Variants in ARHGAP8 observed in about 807,000 individuals in gnomAD.
The protein encoded by ARHGAP8 is Rho GTPase activating protein 8.
Under a neutral mutation model 46.1 loss-of-function variants are expected in ARHGAP8, and 62 were observed. That is an observed-to-expected ratio of 1.34 (90% confidence interval 1.10 to 1.66). ARHGAP8 has a LOEUF of 1.66. Among genes scored for constraint, ARHGAP8 ranks in the 40% most tolerant of loss-of-function variants. ARHGAP8 has a pLI of 0.00. For synonymous variants in ARHGAP8, 375 were observed against 243.1 expected, an observed-to-expected ratio of 1.54 and a Z score of -5.05; for missense variants, 923 against 568.4, an observed-to-expected ratio of 1.62 and a Z score of -6.34.
intron 2 of ARHGAP8, among the ~76,000 whole-genome samples, chr22:44,789,044 A>G (rs950549185): frequency 6.6e-6 from 1 of 152,190 alleles, no homozygotes; most frequent in African/African-American, 2.4e-5. Context: ...TCAGTTACTA[A>G]TGGAAGAGTG....
chr22:44,846,097 C>G (rs2069948810), intron 8 of ARHGAP8, among the ~76,000 whole-genome samples: 1 of 152,178 alleles, frequency 6.6e-6, no homozygotes, highest in African/African-American at 2.4e-5. Flanking sequence ...TCAGGGAATC[C>G]CCCTAACATG....
chr22:44,829,118 CAAAAA>C (rs57906111), intron 7 of ARHGAP8, among the ~76,000 whole-genome samples: 17 of 49,374 alleles, frequency 3.4e-4, no homozygotes, highest in African/African-American at 5.5e-4. Flanking sequence ...ACTAAAAATA[CAAAAA>C]AAAAAAAAAA....
intron 7 of ARHGAP8, among the ~76,000 whole-genome samples, chr22:44,840,446 C>T (rs1931576381): frequency 1.3e-5 from 2 of 152,170 alleles, no homozygotes; most frequent in African/African-American, 2.4e-5. Context: ...TCCCCTCTCC[C>T]TTCTGCTCAC....
chr22:44,848,723 C>T (rs996809599), intron 9 of ARHGAP8, among the ~76,000 whole-genome samples: 3 of 152,090 alleles, frequency 2.0e-5, no homozygotes, highest in East Asian at 1.9e-4. Flanking sequence ...ACTGGGAGCC[C>T]GGGAGGAGGC....
intron 9 of ARHGAP8, 23 bp downstream of exon 9, chr22:44,848,073 A>G: frequency 6.2e-7 from 1 of 1,603,140 alleles, no homozygotes. Context: ...CGCAGTCCTG[A>G]GCCCCGAGCT....
At chr22:44,857,545 T>C (rs1259879122) in intron 10 of ARHGAP8, among the ~76,000 whole-genome samples, 1 of 152,170 alleles carries the variant, frequency 6.6e-6, no homozygotes, top group Non-Finnish European at 1.5e-5. Flanking sequence ...AGTGTGCTGA[T>C]GCCAGGTTGG....
chr22:44,785,093 T>C (rs1927119617), intron 1 of ARHGAP8, among the ~76,000 whole-genome samples: 1 of 152,174 alleles, frequency 6.6e-6, no homozygotes, highest in Admixed American at 6.5e-5. Context: ...GAGGCAGCCC[T>C]CAGGCCCCGC....
chr22:44,798,527 GC>G (rs1928257224), intron 2 of ARHGAP8, among the ~76,000 whole-genome samples: 1 of 83,498 alleles, frequency 1.2e-5, no homozygotes, highest in Non-Finnish European at 2.3e-5. Context: ...AGGGGGACTT[GC>G]GTTTTTTTTT....
intron 2 of ARHGAP8, among the ~76,000 whole-genome samples, chr22:44,791,224 G>A (rs998630902): frequency 2.0e-5 from 3 of 152,080 alleles, no homozygotes; most frequent in African/African-American, 4.8e-5. Context: ...TGGTCCTTCC[G>A]TGTCATTAGG....
chr22:44,755,533 A>G (rs1924598044), intron 1 of ARHGAP8, among the ~76,000 whole-genome samples: 1 of 152,154 alleles, frequency 6.6e-6, no homozygotes, highest in Non-Finnish European at 1.5e-5. Context: ...TTGAGGGGAG[A>G]GCCTCTGGGC....
chr22:44,779,445 G>A (rs1258117773), intron 1 of ARHGAP8, among the ~76,000 whole-genome samples: 1 of 152,044 alleles, frequency 6.6e-6, no homozygotes. Context: ...CACTCACGTC[G>A]GTACGCGTGG....
At chr22:44,808,473 G>T in intron 4 of ARHGAP8, 35 bp downstream of exon 4, 1 of 1,610,200 alleles carries the variant, frequency 6.2e-7, no homozygotes. Context: ...ACGTGGGTGT[G>T]GGCTGCTTGT....
At chr22:44,790,933 G>C (rs371247188) in intron 2 of ARHGAP8, among the ~76,000 whole-genome samples, 1 of 151,818 alleles carries the variant, frequency 6.6e-6, no homozygotes, top group Non-Finnish European at 1.5e-5. Context: ...GGGTTTCACC[G>C]TGTTGCCCAG....
At chr22:44,789,249 C>G (rs1927489383) in intron 2 of ARHGAP8, among the ~76,000 whole-genome samples, 1 of 151,974 alleles carries the variant, frequency 6.6e-6, no homozygotes, top group Admixed American at 6.6e-5. Context: ...TCCCTGGTTT[C>G]AAGTGATTCT....
At chr22:44,842,190 C>G (rs1035424672) in intron 7 of ARHGAP8, among the ~76,000 whole-genome samples, 8 of 152,154 alleles carry the variant, frequency 5.3e-5, no homozygotes, top group Admixed American at 2.6e-4. Flanking sequence ...AACCCCGTCT[C>G]TACTAAAAAT....
At chr22:44,861,810 TGGACAA>T (rs1180232815) in intron 11 of ARHGAP8, among the ~76,000 whole-genome samples, 1 of 152,112 alleles carries the variant, frequency 6.6e-6, no homozygotes, top group Non-Finnish European at 1.5e-5. Context: ...TTGGCGGAGA[TGGACAA>T]GGAGCCCCTT....
chr22:44,827,434 C>A (rs571236746), intron 7 of ARHGAP8, among the ~76,000 whole-genome samples: 1 of 149,534 alleles, frequency 6.7e-6, no homozygotes, highest in South Asian at 2.1e-4. Context: ...CCTCCGCTCC[C>A]CAGGTTCAAG....
Position 44,859,698 on chromosome 22 carries a change from T to C in ARHGAP8, c.878-33T>C, listed in dbSNP as rs370881455. 31 of 1,609,282 alleles carry C rather than the reference T, an allele frequency of 1.9e-5. No homozygotes were observed. The Middle Eastern group carries it at 4.9e-4, about 26-fold the overall frequency. On this transcript the variant is annotated intron_variant, in intron 10 of 11. Coordinates refer to ENST00000356099, the MANE Select transcript of ARHGAP8 (RefSeq NM_181335.3). Reference sequence around the variant, plus strand: ...GATGCAGCGCTGCCCCTGGCCCCTCTGGAGCTCAGCAGGGAGCCCCATGCC... The same window carrying C: ...GATGCAGCGCTGCCCCTGGCCCCTCCGGAGCTCAGCAGGGAGCCCCATGCC...
At chr22:44,768,092 C>G (rs1340100288) in intron 1 of ARHGAP8, among the ~76,000 whole-genome samples, 1 of 143,884 alleles carries the variant, frequency 7.0e-6, no homozygotes, top group African/African-American at 2.6e-5. Context: ...CTCCACCTCC[C>G]GAGTTCAAGC....
Sources: gnomAD v4.1 joint callset for allele counts (sites outside exome capture counted in the v4.1 genomes callset) on GRCh38, gnomAD v4.1.1 for gene constraint, MANE v1.5 for transcripts, NCBI Gene and HGNC (gene_info 2026-07-23, HGNC 2026-07-21) for gene names.